SYNPR: variants seen among roughly 807,000 people sequenced by gnomAD.
The protein encoded by SYNPR is synaptoporin.
SYNPR carries 23 observed loss-of-function variants against 32.9 expected under a neutral mutation model. The observed-to-expected ratio is 0.70, with a 90% CI of 0.50 to 0.99. SYNPR has a LOEUF of 0.99. Ranked by LOEUF, SYNPR falls within the 50% of genes least tolerant of loss-of-function variation. The pLI is 0.00. For missense variants in SYNPR, 318 were observed against 349.3 expected, an observed-to-expected ratio of 0.91 and a Z score of 0.71; for synonymous variants, 146 against 135.9, an observed-to-expected ratio of 1.07 and a Z score of -0.52.
At chr3:63,229,267 A>C (rs1210476097) in intron 1 of SYNPR, among the ~76,000 whole-genome samples, 1 of 152,128 alleles carries the variant, frequency 6.6e-6, no homozygotes, top group African/African-American at 2.4e-5. Flanking sequence ...TCTGATGTAC[A>C]CACACATCCT....
intron 4 of SYNPR, among the ~76,000 whole-genome samples, chr3:63,576,989 C>T (rs935403417): frequency 2.0e-5 from 3 of 151,956 alleles, no homozygotes; most frequent in African/African-American, 7.2e-5. Context: ...ACTGGCTGAA[C>T]CAGTTTTTAA....
At chr3:63,522,221 A>C (rs1290809540) in intron 3 of SYNPR, among the ~76,000 whole-genome samples, 1 of 152,250 alleles carries the variant, frequency 6.6e-6, no homozygotes, top group Non-Finnish European at 1.5e-5. Context: ...AAAAGGGCTA[A>C]CGTGAAAATG....
chr3:63,525,831 T>C (rs761226549), intron 3 of SYNPR, among the ~76,000 whole-genome samples: 1 of 152,210 alleles, frequency 6.6e-6, no homozygotes, highest in Non-Finnish European at 1.5e-5. Context: ...TGTGTTGCTA[T>C]AAAGTAATAC....
intron 2 of SYNPR, among the ~76,000 whole-genome samples, chr3:63,428,559 T>C (rs1699931005): frequency 6.6e-6 from 1 of 152,210 alleles, no homozygotes; most frequent in Non-Finnish European, 1.5e-5. Context: ...AGGCGTTTAT[T>C]ATTGCTCATT....
At chr3:63,432,166 T>C (rs980011305) in intron 2 of SYNPR, among the ~76,000 whole-genome samples, 6 of 152,224 alleles carry the variant, frequency 3.9e-5, no homozygotes, top group Non-Finnish European at 7.3e-5. Context: ...CCCAGTTGCC[T>C]ACCACAGGCA....
intron 2 of SYNPR, among the ~76,000 whole-genome samples, chr3:63,416,352 G>A (rs1034050407): frequency 6.6e-6 from 1 of 151,940 alleles, no homozygotes; most frequent in African/African-American, 2.4e-5. Context: ...GCAACATGGT[G>A]AAACCCTGCC....
chr3:63,373,870 A>G (rs1449378823), intron 2 of SYNPR, among the ~76,000 whole-genome samples: 1 of 152,234 alleles, frequency 6.6e-6, no homozygotes, highest in Non-Finnish European at 1.5e-5. Flanking sequence ...GCATCAGGCT[A>G]ACAGTGGACC....
Position 63,615,531 on chromosome 3 carries a change from AGTG to A in SYNPR, c.*52_*54del. 3 of 1,570,468 alleles carry A rather than the reference AGTG, an allele frequency of 1.9e-6. No individual in the cohort carries two copies. The highest frequency in any genetic ancestry group is 2.6e-6 in the Non-Finnish European group (3 of 1,159,806). ...CAGTCGCCTCACCATCTTCCATTTCAGTGGCAGAAGAATTTTTTAAGGGTTTCA... is the reference window on the plus strand; with the variant it reads ...CAGTCGCCTCACCATCTTCCATTTCAGCAGAAGAATTTTTTAAGGGTTTCA... On this transcript the variant is annotated 3_prime_UTR_variant, in exon 6 of 6. Transcript: ENST00000478300.
intron 3 of SYNPR, among the ~76,000 whole-genome samples, chr3:63,268,925 A>G (rs2086512304): frequency 6.6e-6 from 1 of 152,204 alleles, no homozygotes; most frequent in Non-Finnish European, 1.5e-5. Flanking sequence ...ATTTATTTCA[A>G]TTTCTAGGTA....
In SYNPR at chr3:63,392,687, A is replaced by T. The variant is rs866121806; in HGVS notation, c.85-88145A>T. ...ATATCCAGCCCAAAGGGAAACTGTC[A>T]TTTTTTTTCCAGAAGGTGGTAATGA... is the stretch of plus-strand genomic sequence containing the variant. On this transcript the variant is annotated intron_variant, in intron 2 of 5. Coordinates refer to ENST00000478300, the MANE Select transcript of SYNPR (RefSeq NM_001130003.2). Among the ~76,000 whole-genome samples the T allele has an allele frequency of 7.9e-5, 12 of 152,074 alleles. No homozygotes were observed. In the South Asian group the frequency reaches 1.9e-3, roughly 24 times the overall value.
intron 2 of SYNPR, among the ~76,000 whole-genome samples, chr3:63,476,344 A>C (rs113202613): frequency 1.4e-3 from 130 of 93,588 alleles, no homozygotes; most frequent in East Asian, 5.9e-3. Context: ...GGAAGGAAGG[A>C]AGGAGGGAAG....
At chr3:63,405,824 G>A (rs1414727565) in intron 2 of SYNPR, among the ~76,000 whole-genome samples, 1 of 152,192 alleles carries the variant, frequency 6.6e-6, no homozygotes, top group African/African-American at 2.4e-5. Context: ...AGCCTTGTTT[G>A]AATGCTGTGT....
At chr3:63,471,175 C>G (rs755988173) in intron 2 of SYNPR, among the ~76,000 whole-genome samples, 2 of 152,182 alleles carry the variant, frequency 1.3e-5, no homozygotes, top group African/African-American at 4.8e-5. Context: ...CAATTTTTGA[C>G]AGGTAGCATG....
intron 2 of SYNPR, among the ~76,000 whole-genome samples, chr3:63,323,895 C>T (rs1490045410): frequency 6.6e-6 from 1 of 152,046 alleles, no homozygotes; most frequent in Non-Finnish European, 1.5e-5. Flanking sequence ...ATTATTATTT[C>T]CATTTTACTG....
At chr3:63,615,013 T>A (rs1247935720) in intron 5 of SYNPR, among the ~76,000 whole-genome samples, 1 of 152,276 alleles carries the variant, frequency 6.6e-6, no homozygotes, top group East Asian at 1.9e-4. Context: ...TTGATACACA[T>A]AAAGCCCTTT....
chr3:63,550,850 G>A (rs1249885067), intron 3 of SYNPR, among the ~76,000 whole-genome samples: 1 of 152,178 alleles, frequency 6.6e-6, no homozygotes, highest in East Asian at 1.9e-4. Context: ...TTGGCCACCT[G>A]GCCAAGAAGA....
chr3:63,381,969 A>G (rs1236949287), intron 2 of SYNPR, among the ~76,000 whole-genome samples: 1 of 152,208 alleles, frequency 6.6e-6, no homozygotes, highest in Non-Finnish European at 1.5e-5. Context: ...TTACCATTTC[A>G]AGTAAAGTAC....
intron 2 of SYNPR, among the ~76,000 whole-genome samples, chr3:63,285,147 A>G (rs1024114336): frequency 1.3e-5 from 2 of 152,222 alleles, no homozygotes; most frequent in Non-Finnish European, 1.5e-5. Context: ...ATCAACTTAC[A>G]TATTTGAGGT....
intron 2 of SYNPR, chr3:63,443,039 G>A: frequency 9.9e-7 from 1 of 1,005,062 alleles, no homozygotes; most frequent in Non-Finnish European, 1.2e-6. Flanking sequence ...GAGTAAAGGG[G>A]AGATGGTGCC....
Sources: allele counts gnomAD v4.1 joint callset (sites outside exome capture counted in the v4.1 genomes callset), GRCh38; gene constraint gnomAD v4.1.1; transcripts MANE v1.5; gene names NCBI Gene and HGNC (gene_info 2026-07-23, HGNC 2026-07-21).